Variants in CREB5 observed in about 807,000 individuals in gnomAD.
CREB5 encodes cAMP responsive element binding protein 5.
In CREB5, 19 loss-of-function variants were observed where a neutral mutation model predicts 57.1. That is an observed-to-expected ratio of 0.33 (90% CI 0.23 to 0.49). The LOEUF (loss-of-function observed/expected upper bound fraction) is 0.49, where lower values mean the gene tolerates loss of function less well. CREB5 is among the 20% of genes least tolerant of loss of function. The pLI is 0.99. For missense variants in CREB5, 579 were observed against 671.6 expected, an observed-to-expected ratio of 0.86 and a Z score of 1.52; for synonymous variants, 238 against 238.3, an observed-to-expected ratio of 1.00 and a Z score of 0.01.
intron 1 of CREB5, among the ~76,000 whole-genome samples, chr7:28,405,919 G>C (rs997004926): frequency 6.6e-6 from 1 of 152,112 alleles, no homozygotes; most frequent in Non-Finnish European, 1.5e-5. Context: ...CAGAATCCTG[G>C]ACCCAATGCC....
chr7:28,640,177 G>T (rs770211086), intron 5 of CREB5, among the ~76,000 whole-genome samples: 1 of 152,134 alleles, frequency 6.6e-6, no homozygotes, highest in Non-Finnish European at 1.5e-5. Flanking sequence ...AGATAATAAA[G>T]CAAGAGCCTC....
intron 1 of CREB5, among the ~76,000 whole-genome samples, chr7:28,421,453 G>T (rs987944748): frequency 1.3e-5 from 2 of 152,110 alleles, no homozygotes; most frequent in African/African-American, 4.8e-5. Context: ...GGTGATTTGT[G>T]AGATTTTGGG....
chr7:28,736,318 C>T (rs1215490001), intron 7 of CREB5, among the ~76,000 whole-genome samples: 1 of 151,868 alleles, frequency 6.6e-6, no homozygotes, highest in African/African-American at 2.4e-5. Flanking sequence ...TACAGGCATG[C>T]ACCACCACGC....
At chr7:28,510,118 G>C (rs1792641731) in intron 4 of CREB5, among the ~76,000 whole-genome samples, 1 of 152,154 alleles carries the variant, frequency 6.6e-6, no homozygotes, top group South Asian at 2.1e-4. Context: ...ATGAGGAGTA[G>C]GAATAATGCT....
intron 1 of CREB5, among the ~76,000 whole-genome samples, chr7:28,341,987 A>G (rs189662932): frequency 6.6e-6 from 1 of 152,332 alleles, no homozygotes; most frequent in Non-Finnish European, 1.5e-5. Context: ...CCATTTGGAA[A>G]TCAGGAGCTC....
intron 5 of CREB5, among the ~76,000 whole-genome samples, chr7:28,658,934 ATAT>A (rs1329761129): frequency 2.8e-5 from 2 of 70,872 alleles, no homozygotes; most frequent in Non-Finnish European, 6.2e-5. Context: ...ATTGCACTAA[ATAT>A]TATATGTGTG....
At chr7:28,299,980 G>A (rs1335894271) in intron 1 of CREB5, among the ~76,000 whole-genome samples, 1 of 151,918 alleles carries the variant, frequency 6.6e-6, no homozygotes, top group African/African-American at 2.4e-5. Flanking sequence ...AATTTCTCCG[G>A]ATCCATTTTT....
At chr7:28,549,700 T>C (rs942459236) in intron 4 of CREB5, among the ~76,000 whole-genome samples, 2 of 148,466 alleles carry the variant, frequency 1.3e-5, no homozygotes, top group Non-Finnish European at 3.0e-5. Context: ...TGGATGCCTG[T>C]TTTTTTTTTA....
chr7:28,499,974 G>T (rs1386851640), intron 3 of CREB5, among the ~76,000 whole-genome samples: 1 of 152,222 alleles, frequency 6.6e-6, no homozygotes, highest in Non-Finnish European at 1.5e-5. Context: ...TTGGATGGAA[G>T]TTAGGGCAGG....
chr7:28,790,267 A>T (rs1449326337), intron 7 of CREB5, among the ~76,000 whole-genome samples: 1 of 152,224 alleles, frequency 6.6e-6, no homozygotes, highest in East Asian at 1.9e-4. Context: ...AATGTTATCC[A>T]ACCATAATAA....
At chr7:28,482,139 T>C (rs1294645749) in intron 1 of CREB5, among the ~76,000 whole-genome samples, 2 of 152,202 alleles carry the variant, frequency 1.3e-5, no homozygotes, top group East Asian at 3.8e-4. Context: ...GTTTTGCAGA[T>C]GAGCAAATAA....
At chr7:28,597,816 G>A (rs1796744452) in intron 5 of CREB5, among the ~76,000 whole-genome samples, 1 of 152,140 alleles carries the variant, frequency 6.6e-6, no homozygotes. Flanking sequence ...CAAAGCATGG[G>A]AGAACAAAAC....
chr7:28,349,461 G>C lies in CREB5; in HGVS notation c.-25+50020G>C. ...CCATTCAATCTAGTATCCCGTTGTG[G>C]TGGGAAAAGGGAAAGAGGGGATGTA... is the stretch of plus-strand genomic sequence containing the variant. On this transcript the variant is annotated intron_variant, in intron 1 of 9. Transcript: ENST00000396299. Among the ~76,000 whole-genome samples the C allele has an allele frequency of 1.3e-5, 2 of 151,712 alleles. 1 individual carries two copies. Among genetic ancestry groups the C allele is most frequent in the East Asian group, 3.9e-4 (2 of 5,182 alleles).
intron 7 of CREB5, among the ~76,000 whole-genome samples, chr7:28,732,453 A>G (rs2128752153): frequency 6.6e-6 from 1 of 152,282 alleles, no homozygotes; most frequent in East Asian, 1.9e-4. Flanking sequence ...AAAGTTTTCA[A>G]GAGCCTCTTT....
chr7:28,772,446 G>A (rs184705330), intron 7 of CREB5, among the ~76,000 whole-genome samples: 165 of 152,224 alleles, frequency 1.1e-3, no homozygotes, highest in African/African-American at 3.8e-3. Context: ...CTCGAGCCTC[G>A]CCACTGTTTG....
chr7:28,506,012 C>G (rs917043071), intron 3 of CREB5, among the ~76,000 whole-genome samples: 2 of 152,136 alleles, frequency 1.3e-5, no homozygotes, highest in Admixed American at 1.3e-4. Context: ...GTGGTATGCT[C>G]TCTGTGAAAT....
In CREB5 at chr7:28,453,825, A is replaced by G. The variant is rs116982796; in HGVS notation, c.4-34350A>G. 4.2e-3 allele frequency among the ~76,000 whole-genome samples: 646 copies of G among 152,340 alleles called. 4 individuals carry two copies. The highest frequency in any genetic ancestry group is 0.041 in the Middle Eastern group (12 of 294). ...CCCCCAAGGGCATTGCGATGAAACA[A>G]AATAAAATCTTTGTAAATGAAAATG... On this transcript the variant is annotated intron_variant, in intron 1 of 10. Coordinates refer to ENST00000357727, the MANE Select transcript of CREB5 (RefSeq NM_182898.4).
At chr7:28,591,608 ACAGAAGCTCTTC>A (rs1342104418) in intron 5 of CREB5, among the ~76,000 whole-genome samples, 1 of 152,184 alleles carries the variant, frequency 6.6e-6, no homozygotes, top group African/African-American at 2.4e-5. Context: ...GTTAGAAGCT[ACAGAAGCTCTTC>A]CAGAAGGTGG....
chr7:28,484,644 T>C (rs1320945182), intron 1 of CREB5, among the ~76,000 whole-genome samples: 1 of 152,216 alleles, frequency 6.6e-6, no homozygotes, highest in Non-Finnish European at 1.5e-5. Context: ...ATTTGGTCCA[T>C]GGGATCCGTG....
Sources: gnomAD v4.1 joint callset for allele counts (sites outside exome capture counted in the v4.1 genomes callset) on GRCh38, gnomAD v4.1.1 for gene constraint, MANE v1.5 for transcripts, NCBI Gene and HGNC (gene_info 2026-07-23, HGNC 2026-07-21) for gene names.